The following DAB1 variants were observed in gnomAD, a reference collection of about 807,000 sequenced individuals.
The protein encoded by DAB1 is disabled homolog 1.
Under a neutral mutation model 64.6 loss-of-function variants are expected in DAB1, and 15 were observed. The observed-to-expected ratio is 0.23, with a 90% CI of 0.16 to 0.36. The LOEUF is 0.36. Among genes scored for constraint, DAB1 ranks in the 10% least tolerant of loss-of-function variants. The pLI, the probability that DAB1 is intolerant of heterozygous loss-of-function variation, is 1.00. For synonymous variants in DAB1, 235 were observed against 251.9 expected (o/e 0.93, Z 0.64); for missense variants, 596 against 706.7 (o/e 0.84, Z 1.78).
intron 1 of DAB1, among the ~76,000 whole-genome samples, chr1:57,318,429 T>C (rs1675404330): frequency 6.6e-6 from 1 of 152,152 alleles, no homozygotes; most frequent in African/African-American, 2.4e-5. Context: ...TAAAATACTC[T>C]GGTAGATAGA....
At chr1:57,338,348 C>T (rs529962404) in intron 1 of DAB1, among the ~76,000 whole-genome samples, 1 of 152,232 alleles carries the variant, frequency 6.6e-6, no homozygotes, top group African/African-American at 2.4e-5. Context: ...CCTGGAAAGA[C>T]AGAGTTTTCC....
intron 9 of DAB1, among the ~76,000 whole-genome samples, chr1:57,052,043 G>C (rs1649239157): frequency 6.7e-6 from 1 of 149,154 alleles, no homozygotes; most frequent in African/African-American, 2.5e-5. Flanking sequence ...CCAAGTACTA[G>C]AGCTTTGTGA....
intron 2 of DAB1, among the ~76,000 whole-genome samples, chr1:57,235,909 T>C (rs1668055269): frequency 6.6e-6 from 1 of 152,190 alleles, no homozygotes; most frequent in Admixed American, 6.5e-5. Flanking sequence ...ATTAGGAGCA[T>C]ACACAGAGCC....
At chr1:57,186,075 C>G (rs1231806710) in intron 2 of DAB1, among the ~76,000 whole-genome samples, 1 of 152,152 alleles carries the variant, frequency 6.6e-6, no homozygotes, top group Non-Finnish European at 1.5e-5. Flanking sequence ...ACCACTCAGA[C>G]CAGGTGAATC....
intron 7 of DAB1, among the ~76,000 whole-genome samples, chr1:57,560,644 C>G (rs1645039573): frequency 6.6e-6 from 1 of 152,138 alleles, no homozygotes; most frequent in South Asian, 2.1e-4. Flanking sequence ...TGAGTAGGGT[C>G]CAGAACAGTA....
At chr1:57,176,712 G>A (rs1662353028) in intron 2 of DAB1, among the ~76,000 whole-genome samples, 1 of 152,082 alleles carries the variant, frequency 6.6e-6, no homozygotes. Flanking sequence ...TAAAGGTCTA[G>A]TAAAATCTGG....
intron 2 of DAB1, among the ~76,000 whole-genome samples, chr1:57,172,429 T>G (rs1661867723): frequency 6.6e-6 from 1 of 152,194 alleles, no homozygotes; most frequent in Non-Finnish European, 1.5e-5. Flanking sequence ...CTCAGTAAGG[T>G]GAAATGATTT....
intron 4 of DAB1, among the ~76,000 whole-genome samples, chr1:58,283,492 G>A (rs1007738810): frequency 3.9e-5 from 6 of 152,012 alleles, no homozygotes; most frequent in East Asian, 1.9e-4. Flanking sequence ...CAAGACTTTC[G>A]GTGGCACATT....
At chr1:57,430,500 C>A (rs900745539) in intron 7 of DAB1, among the ~76,000 whole-genome samples, 1 of 151,912 alleles carries the variant, frequency 6.6e-6, no homozygotes, top group Non-Finnish European at 1.5e-5. Context: ...CTCAGCCTCC[C>A]GAGTAGGTGG....
intron 5 of DAB1, among the ~76,000 whole-genome samples, chr1:57,955,770 T>C (rs1162741791): frequency 1.3e-5 from 2 of 151,870 alleles, no homozygotes; most frequent in African/African-American, 4.8e-5. Flanking sequence ...TTTAAGGTAT[T>C]GGATTAACCA....
intron 1 of DAB1, among the ~76,000 whole-genome samples, chr1:57,384,306 G>A (rs937371861): frequency 7.9e-5 from 12 of 152,156 alleles, no homozygotes; most frequent in African/African-American, 2.9e-4. Flanking sequence ...CAAACCACTG[G>A]TGGGAAAGTT....
chr1:57,788,276 TCTATAGC>T (rs1458650984), intron 6 of DAB1, among the ~76,000 whole-genome samples: 5 of 152,168 alleles, frequency 3.3e-5, no homozygotes, highest in African/African-American at 1.2e-4. Context: ...AATGCAAGTG[TCTATAGC>T]CTGAGGAATG....
intron 1 of DAB1, among the ~76,000 whole-genome samples, chr1:57,305,201 C>T (rs968999738): frequency 1.3e-4 from 20 of 152,114 alleles, no homozygotes; most frequent in Non-Finnish European, 2.6e-4. Flanking sequence ...CTCTTCTAGG[C>T]CTGAAGGAAT....
intron 4 of DAB1, among the ~76,000 whole-genome samples, chr1:57,103,131 G>A (rs1654832913): frequency 6.6e-6 from 1 of 152,156 alleles, no homozygotes; most frequent in Non-Finnish European, 1.5e-5. Context: ...ACAGCTGGAA[G>A]CACATTATCT....
intron 1 of DAB1, among the ~76,000 whole-genome samples, chr1:57,421,308 CAAT>C (rs755733083): frequency 2.4e-4 from 36 of 152,174 alleles, no homozygotes; most frequent in Non-Finnish European, 4.3e-4. Flanking sequence ...GCTTCATCAA[CAAT>C]AAGTAATTTT....
At chr1:57,951,925 C>T (rs1422356253) in intron 5 of DAB1, among the ~76,000 whole-genome samples, 1 of 152,120 alleles carries the variant, frequency 6.6e-6, no homozygotes, top group Non-Finnish European at 1.5e-5. Flanking sequence ...CAGATTTAAA[C>T]TGGTATTTGA....
chr1:58,063,463 T>C lies in DAB1; in HGVS notation n.387+87048A>G, dbSNP rs143508521. ...GCACCAGAACCTAAAGTCCAGTGTA[T>C]AGCCCGGGCCCCCACACTTGGCACA... On this transcript the variant is annotated intron_variant and non_coding_transcript_variant, in intron 5 of 20. Coordinates refer to the DAB1 transcript ENST00000485760. Among the ~76,000 whole-genome samples, 143 of 152,216 alleles carry C rather than the reference T, an allele frequency of 9.4e-4. No individual in the cohort carries two copies. In the East Asian group the frequency reaches 0.024, roughly 26 times the overall value.
At chr1:58,142,225 T>A (rs1570409520) in intron 5 of DAB1, among the ~76,000 whole-genome samples, 1 of 152,068 alleles carries the variant, frequency 6.6e-6, no homozygotes, top group Admixed American at 6.6e-5. Context: ...ACCTCATTTA[T>A]CCCCTGCCAC....
At chr1:58,413,448 A>T (rs1644688710) in intron 3 of DAB1, among the ~76,000 whole-genome samples, 1 of 152,198 alleles carries the variant, frequency 6.6e-6, no homozygotes, top group Non-Finnish European at 1.5e-5. Context: ...AAAGAGGGGT[A>T]ATGTCATCAT....
Sources: allele counts gnomAD v4.1 joint callset (sites outside exome capture counted in the v4.1 genomes callset), GRCh38; gene constraint gnomAD v4.1.1; transcripts MANE v1.5; gene names NCBI Gene and HGNC (gene_info 2026-07-23, HGNC 2026-07-21).